Variants in DEAF1 observed in about 807,000 individuals in gnomAD.
The protein encoded by DEAF1 is DEAF1 transcription factor, also known as deformed epidermal autoregulatory factor 1 homolog.
DEAF1 carries 53 observed loss-of-function variants against 58.9 expected under a neutral mutation model. The observed-to-expected ratio is 0.90, with a 90% CI of 0.72 to 1.13. The LOEUF is 1.13. Among genes scored for constraint, DEAF1 ranks in the 50% most tolerant of loss-of-function variants. DEAF1 has a pLI of 0.00. For missense variants in DEAF1, 685 were observed against 791.4 expected, an observed-to-expected ratio of 0.87 and a Z score of 1.61; for synonymous variants, 385 against 340.4, an observed-to-expected ratio of 1.13 and a Z score of -1.44.
In DEAF1 at chr11:695,083, G is replaced by T; in HGVS notation, c.-36C>A. The T allele has an allele frequency of 7.1e-7, 1 of 1,415,194 alleles. No individual in the cohort carries two copies. The highest frequency in any genetic ancestry group is 3.2e-5 in the East Asian group (1 of 31,242). 87.7% of individuals were successfully genotyped at this position (1,415,194 alleles called of 1,614,324 possible). ...CCGAGCCTTCCCGAAGGCGCCGTCC[G>T]GGACCGCCCGAAGCGCCGGTCGCGG... is the stretch of plus-strand genomic sequence containing the variant. On this transcript the variant is annotated 5_prime_UTR_variant, in exon 1 of 12. Coordinates refer to ENST00000382409, the MANE Select transcript of DEAF1 (RefSeq NM_021008.4).
chr11:700,701 T>C, intron 1 of DEAF1: 1 of 1,613,954 alleles, frequency 6.2e-7, no homozygotes, highest in Non-Finnish European at 8.5e-7. Context: ...AGTTCGGTTA[T>C]ACCTGGGTGA....
At chr11:659,889 C>A (rs775606272) in intron 10 of DEAF1, among the ~76,000 whole-genome samples, 64 of 152,296 alleles carry the variant, frequency 4.2e-4, no homozygotes, top group Admixed American at 1.0e-3. Flanking sequence ...AGCCGTGAAC[C>A]GGAAGCTGGG....
chr11:685,363 C>G (rs571519793), intron 5 of DEAF1, among the ~76,000 whole-genome samples: 1 of 152,224 alleles, frequency 6.6e-6, no homozygotes, highest in East Asian at 1.9e-4. Context: ...GGATTACAAG[C>G]GTAAGCCACC....
Position 695,012 on chromosome 11 carries a change from G to T in DEAF1, c.36C>A (p.Gly12=). 7.2e-7 allele frequency: 1 copy of T among 1,388,338 alleles called. No individual in the cohort carries two copies. The allele number at this position is 1,388,338 out of a possible 1,614,324, so 86.0% of individuals were successfully genotyped here. A position where few individuals can be genotyped will look rare whatever the true frequency, so the allele number is the denominator to read the frequency against. ...CCGCCACCGCCGCCGCCTCAGCCAG[G>T]CCCAGCTGCTTTGCCGCCGAGTCCG... is the stretch of plus-strand genomic sequence containing the variant. ...EDSDSAAKQL[G]LAEAAAVAAA... Residue 12 remains glycine, a synonymous_variant, in exon 1 of 12, where the codon GGC becomes GGA. Transcript: ENST00000382409.
chr11:671,846 A>G (rs1381025935), intron 10 of DEAF1, among the ~76,000 whole-genome samples: 14 of 137,046 alleles, frequency 1.0e-4, no homozygotes, highest in South Asian at 2.4e-4. Context: ...AAAAAAAAAA[A>G]AAAGAAACAC....
chr11:694,667 C>T (rs1441942764), intron 1 of DEAF1, 92 bp downstream of exon 1: 6 of 1,176,532 alleles, frequency 5.1e-6, no homozygotes, highest in African/African-American at 1.6e-5. Flanking sequence ...ACAGGTGTGG[C>T]GGGCTGGTCA....
rs1319812165 is a variant in DEAF1, at chr11:688,275, T to C, written c.517+56A>G. 5.7e-6 allele frequency: 9 copies of C among 1,591,576 alleles called. No individual in the cohort carries two copies. The Admixed American group carries it at 1.2e-4, about 22-fold the overall frequency. Reference sequence around the variant, plus strand: ...AAGTAAATAAATCCCTGAAATAAATTCTAGCTATTCTGAAACGTGTTTTGC... The same window carrying C: ...AAGTAAATAAATCCCTGAAATAAATCCTAGCTATTCTGAAACGTGTTTTGC... On this transcript the variant is annotated intron_variant, in intron 3 of 11. Coordinates refer to ENST00000382409, the MANE Select transcript of DEAF1 (RefSeq NM_021008.4). The surrounding 1 kb of genome is among the most constrained non-coding windows in gnomAD (Gnocchi z 4.3).
intron 6 of DEAF1, 149 bp from the exon 7 acceptor site, chr11:681,238 T>C: frequency 8.8e-7 from 1 of 1,139,072 alleles, no homozygotes; most frequent in Non-Finnish European, 1.3e-6. Flanking sequence ...AGATCCCACC[T>C]CTTTTTCTTT....
At chr11:696,514 C>T (rs1337633417), upstream of DEAF1, among the ~76,000 whole-genome samples, 6 of 152,340 alleles carry the variant, frequency 3.9e-5, no homozygotes, top group Admixed American at 6.5e-5. Flanking sequence ...CGCAGTGGCT[C>T]AGGCCTGTAA....
intron 7 of DEAF1, among the ~76,000 whole-genome samples, chr11:680,587 C>A (rs985937423): frequency 1.3e-5 from 2 of 152,188 alleles, no homozygotes; most frequent in Admixed American, 6.5e-5. Context: ...TCCAGCCCGG[C>A]CACAGAGAAA....
intron 6 of DEAF1, among the ~76,000 whole-genome samples, chr11:684,675 G>A (rs889461971): frequency 6.6e-6 from 1 of 152,198 alleles, no homozygotes; most frequent in African/African-American, 2.4e-5. Flanking sequence ...TGTTCTTTGA[G>A]CAACATCTTG....
intron 11 of DEAF1, among the ~76,000 whole-genome samples, chr11:652,464 CCT>C (rs1858820121): frequency 6.6e-6 from 1 of 152,068 alleles, no homozygotes; most frequent in Non-Finnish European, 1.5e-5. Context: ...ATGGTGAAAC[CCT>C]GTCTCTACTA....
In DEAF1 at chr11:686,950, T is replaced by C. The variant is rs1232059268; in HGVS notation, c.712A>G (p.Thr238Ala). 1 of 1,614,214 alleles carries C rather than the reference T, an allele frequency of 6.2e-7. No homozygotes were observed. Among genetic ancestry groups the C allele is most frequent in the Non-Finnish European group, 8.5e-7 (1 of 1,180,042 alleles). The change falls in exon 5 of 12, where the codon ACC (threonine) becomes GCC (alanine). Residue 238 changes from threonine to alanine, a missense_variant. Physicochemically the swap from Thr to Ala is moderately conservative, Grantham distance 58. Transcript: ENST00000382409. ...IKQGENWYSP[T>A]EFEAMAGRAS... is the part of the protein sequence containing the mutation. ...CTTCCTGCCATGGCCTCAAACTCGG[T>C]GGGACTGTACCAGTTCTCCCCCTGC...
intron 1 of DEAF1, chr11:706,171 G>GGCCCC (rs1243713390): frequency 2.0e-5 from 3 of 151,792 alleles, no homozygotes; most frequent in East Asian, 1.9e-4. Context: ...GCCCCGGCCC[G>GGCCCC]GCCCCGCCGA....
intron 10 of DEAF1, among the ~76,000 whole-genome samples, chr11:668,838 T>TC (rs1404260058): frequency 6.6e-6 from 1 of 152,086 alleles, no homozygotes; most frequent in Non-Finnish European, 1.5e-5. Context: ...GTTTTTTGTT[T>TC]TTTTTTAGAC....
intron 1 of DEAF1, chr11:703,865 G>C: frequency 8.1e-7 from 1 of 1,236,706 alleles, no homozygotes; most frequent in Admixed American, 4.0e-5. Flanking sequence ...GCAGCGGAGG[G>C]CCACATTCGG....
At chr11:697,094 C>G (rs1355124077), upstream of DEAF1, among the ~76,000 whole-genome samples, 7 of 102,414 alleles carry the variant, frequency 6.8e-5, no homozygotes, top group East Asian at 9.2e-4. Flanking sequence ...GAGCGAAATT[C>G]TGTCTCAAAA....
intron 10 of DEAF1, among the ~76,000 whole-genome samples, chr11:657,252 G>A (rs1329183195): frequency 6.6e-6 from 1 of 152,176 alleles, no homozygotes; most frequent in African/African-American, 2.4e-5. Flanking sequence ...AGAAGGGGCT[G>A]ATTCCCGGGC....
intron 1 of DEAF1, chr11:704,031 A>G: frequency 1.7e-6 from 2 of 1,194,588 alleles, no homozygotes; most frequent in Non-Finnish European, 2.1e-6. Context: ...ACTTGATTCT[A>G]TTGTGTGTTT....
Sources: allele counts gnomAD v4.1 joint callset (sites outside exome capture counted in the v4.1 genomes callset), GRCh38; gene constraint gnomAD v4.1.1; non-coding constraint Gnocchi (gnomAD v3.1); transcripts MANE v1.5; gene names NCBI Gene and HGNC (gene_info 2026-07-23, HGNC 2026-07-21).